The following C10orf67 variants were observed in gnomAD, a reference collection of about 807,000 sequenced individuals.
C10orf67 encodes the protein chromosome 10 open reading frame 67, also known as uncharacterized protein C10orf67, mitochondrial.
C10orf67 carries 60 observed loss-of-function variants against 35.6 expected under a neutral mutation model. That is an observed-to-expected ratio of 1.68 (90% CI 1.37 to 2.09). The LOEUF (loss-of-function observed/expected upper bound fraction) is 2.09. Ranked by LOEUF, C10orf67 falls within the 30% of genes most tolerant of loss-of-function variation. The probability of loss-of-function intolerance (pLI) is 0.00; values close to 1 mark genes in which losing one functional copy is unlikely to be tolerated. For missense variants in C10orf67, 474 were observed against 330.2 expected, an observed-to-expected ratio of 1.44 and a Z score of -3.38; for synonymous variants, 167 against 115.8, an observed-to-expected ratio of 1.44 and a Z score of -2.84.
At chr10:23,328,993 C>CAAAAAAAAAAAAAAAAAAGAAAA (rs1845310437) in intron 2 of C10orf67, among the ~76,000 whole-genome samples, 18 of 78,732 alleles carry the variant, frequency 2.3e-4, no homozygotes, top group African/African-American at 3.4e-4. Flanking sequence ...CATAAACGAA[C>CAAAAAAAAAAAAAAAAAAGAAAA]AAAAAAAAAA....
chr10:23,284,551 A>G (rs1022550360), intron 7 of C10orf67, among the ~76,000 whole-genome samples: 12 of 151,792 alleles, frequency 7.9e-5, no homozygotes, highest in Non-Finnish European at 1.5e-4. Context: ...AAATTTAGCC[A>G]TGTGTGGTGC....
chr10:23,280,075 G>A (rs745876364), intron 8 of C10orf67, among the ~76,000 whole-genome samples: 19 of 152,010 alleles, frequency 1.2e-4, no homozygotes, highest in Non-Finnish European at 1.9e-4. Context: ...GGCAGGTCTC[G>A]AACTCCTGGG....
chr10:23,304,574 A>G (rs531491418), intron 4 of C10orf67, among the ~76,000 whole-genome samples: 1 of 152,260 alleles, frequency 6.6e-6, no homozygotes, highest in South Asian at 2.1e-4. Context: ...CTGCTTGCCC[A>G]GGAGCCTGGC....
In C10orf67 at chr10:23,235,913, G is replaced by A. The variant is rs747830748; in HGVS notation, c.1434+3816C>T. Among the ~76,000 whole-genome samples, 235 of 152,076 alleles carry A rather than the reference G, an allele frequency of 1.5e-3. 1 individual carries two copies. Among genetic ancestry groups the A allele is most frequent in the Non-Finnish European group, 2.1e-3 (140 of 67,986 alleles). ...GGGTGGATCACGAGGTCAGGAGTTC[G>A]AGACCAGCCTGGCCAACATGGTGAA... On this transcript the variant is annotated intron_variant, in intron 13 of 15. Coordinates refer to ENST00000636213, the MANE Select transcript of C10orf67 (RefSeq NM_001371909.1).
At chr10:23,332,529 A>G (rs1845526902) in intron 2 of C10orf67, among the ~76,000 whole-genome samples, 1 of 152,160 alleles carries the variant, frequency 6.6e-6, no homozygotes, top group Non-Finnish European at 1.5e-5. Flanking sequence ...CAAAGCATAC[A>G]TAAAATTAGC....
chr10:23,268,010 G>C (rs997492822), intron 8 of C10orf67, among the ~76,000 whole-genome samples: 1 of 152,172 alleles, frequency 6.6e-6, no homozygotes, highest in Non-Finnish European at 1.5e-5. Context: ...TTTCAAAGCT[G>C]GGTGCAGTGG....
In C10orf67 at chr10:23,339,402, CAAAAAA is replaced by C. The variant is rs34805547; in HGVS notation, c.206+5161_206+5166del. On this transcript the variant is annotated intron_variant, in intron 1 of 15. Coordinates refer to ENST00000636213, the MANE Select transcript of C10orf67 (RefSeq NM_001371909.1). ...ATAAAGATTAATGGAAAAAAGGCAGCAAAAAAAAAAAAAAAAAAAAAAGGCAGAACT... is the reference window on the plus strand; with the variant it reads ...ATAAAGATTAATGGAAAAAAGGCAGCAAAAAAAAAAAAAAAAGGCAGAACT... Among the ~76,000 whole-genome samples, 591 of 72,328 alleles carry C rather than the reference CAAAAAA, an allele frequency of 8.2e-3. 4 individuals are homozygous for C. Among genetic ancestry groups the C allele is most frequent in the South Asian group, 0.059 (94 of 1,582 alleles). 47.4% of individuals were successfully genotyped at this position (72,328 alleles called of 152,430 possible). A position where few individuals can be genotyped will look rare whatever the true frequency, so the allele number is the denominator to read the frequency against.
intron 15 of C10orf67, among the ~76,000 whole-genome samples, chr10:23,221,420 C>T (rs1470432378): frequency 2.0e-5 from 3 of 152,130 alleles, no homozygotes; most frequent in African/African-American, 7.2e-5. Flanking sequence ...TATCTAATAC[C>T]TCTTTAATAG....
chr10:23,283,498 T>G (rs1843433347), intron 7 of C10orf67, among the ~76,000 whole-genome samples: 1 of 152,102 alleles, frequency 6.6e-6, no homozygotes, highest in Non-Finnish European at 1.5e-5. Flanking sequence ...CCCATTAATT[T>G]TCTTTCTGAA....
chr10:23,231,792 A>G (rs549174957), intron 13 of C10orf67, among the ~76,000 whole-genome samples: 1 of 152,348 alleles, frequency 6.6e-6, no homozygotes, highest in South Asian at 2.1e-4. Flanking sequence ...AAGTTGTGGT[A>G]TATTCGTGTA....
At chr10:23,242,118 C>G (rs1842199087) in intron 12 of C10orf67, among the ~76,000 whole-genome samples, 2 of 152,058 alleles carry the variant, frequency 1.3e-5, no homozygotes, top group South Asian at 4.1e-4. Flanking sequence ...ATTACAGGTG[C>G]CTGCCACCAC....
intron 8 of C10orf67, among the ~76,000 whole-genome samples, chr10:23,270,948 C>T (rs1438787216): frequency 6.6e-6 from 1 of 152,084 alleles, no homozygotes; most frequent in Non-Finnish European, 1.5e-5. Context: ...CTCCCTGGGA[C>T]AGAGCCCCAA....
intron 5 of C10orf67, among the ~76,000 whole-genome samples, chr10:23,297,659 AG>A (rs1393169320): frequency 1.3e-5 from 2 of 152,202 alleles, no homozygotes; most frequent in Admixed American, 6.5e-5. Flanking sequence ...AACCTCTAAA[AG>A]GTCCCCCTGA....
chr10:23,280,977 G>T (rs1843347290), intron 8 of C10orf67, among the ~76,000 whole-genome samples: 4 of 152,192 alleles, frequency 2.6e-5, no homozygotes, highest in Non-Finnish European at 1.5e-5. Flanking sequence ...TGACAGAGGA[G>T]AGTGGGGGTG....
chr10:23,277,146 C>A (rs1843214646), intron 8 of C10orf67, among the ~76,000 whole-genome samples: 1 of 152,126 alleles, frequency 6.6e-6, no homozygotes, highest in Admixed American at 6.5e-5. Flanking sequence ...CATGGTCTCA[C>A]AAGTGGACAC....
chr10:23,316,530 G>A (rs1266690747), intron 4 of C10orf67, among the ~76,000 whole-genome samples: 1 of 152,180 alleles, frequency 6.6e-6, no homozygotes, highest in Non-Finnish European at 1.5e-5. Flanking sequence ...CCATTTGGTG[G>A]GTCCCAAGTT....
At chr10:23,281,835 C>T (rs1378233217) in intron 8 of C10orf67, among the ~76,000 whole-genome samples, 178 bp downstream of exon 8, 3 of 152,104 alleles carry the variant, frequency 2.0e-5, no homozygotes, top group African/African-American at 7.2e-5. Context: ...GCTACTCAAA[C>T]TGATTTCTTT....
At chr10:23,246,545 GAA>G (rs1268257366) in intron 12 of C10orf67, among the ~76,000 whole-genome samples, 2 of 152,036 alleles carry the variant, frequency 1.3e-5, no homozygotes, top group Non-Finnish European at 2.9e-5. Context: ...CAAATATCAG[GAA>G]TGAAAAAGGG....
intron 15 of C10orf67, among the ~76,000 whole-genome samples, chr10:23,215,305 T>A (rs1841401072): frequency 6.6e-6 from 1 of 151,868 alleles, no homozygotes; most frequent in African/African-American, 2.4e-5. Context: ...ATCTTTTTTT[T>A]TTTTTTGAGA....
Sources: gnomAD v4.1 joint callset for allele counts (sites outside exome capture counted in the v4.1 genomes callset) on GRCh38, gnomAD v4.1.1 for gene constraint, MANE v1.5 for transcripts, NCBI Gene and HGNC (gene_info 2026-07-23, HGNC 2026-07-21) for gene names.